Variants in FAT3 observed in about 807,000 individuals in gnomAD.
FAT3 encodes FAT atypical cadherin 3.
FAT3 carries 95 observed loss-of-function variants against 310.2 expected under a neutral mutation model. That is an observed-to-expected ratio of 0.31 (90% CI 0.26 to 0.36). The LOEUF is 0.36. Among genes scored for constraint, FAT3 ranks in the 10% least tolerant of loss-of-function variants. The probability of loss-of-function intolerance (pLI) is 1.00; values close to 1 mark genes in which losing one functional copy is unlikely to be tolerated. For missense variants in FAT3, 5,408 were observed against 5,715.6 expected, an observed-to-expected ratio of 0.95 and a Z score of 1.74; for synonymous variants, 2,314 against 2,192.9, an observed-to-expected ratio of 1.06 and a Z score of -1.54.
chr11:92,564,001 ACAT>A (rs1287453046), intron 3 of FAT3, among the ~76,000 whole-genome samples: 1 of 152,086 alleles, frequency 6.6e-6, no homozygotes, highest in South Asian at 2.1e-4. Context: ...TAACCAGCTA[ACAT>A]CATAATGACA....
Position 92,805,298 on chromosome 11 carries a change from G to A in FAT3, c.9042G>A (p.Met3014Ile), listed in dbSNP as rs766039271. Residue 3014 changes from methionine to isoleucine, a missense_variant, in exon 11 of 28, where the codon ATG becomes ATA. Transcript: ENST00000525166. ...ATDGLFVTQA[M>I]VEVSVSDVND... is the part of the protein sequence containing the mutation. ...ATGGGCTTTTTGTCACACAGGCCAT[G>A]GTGGAAGTGAGCGTCAGTGATGTGA... The A allele has an allele frequency of 6.2e-7, 1 of 1,613,820 alleles. No homozygotes were observed. The highest frequency in any genetic ancestry group is 1.3e-5 in the African/African-American group (1 of 75,020).
intron 9 of FAT3, 53 bp downstream of exon 9, chr11:92,793,030 T>C (rs1947076824): frequency 6.5e-7 from 1 of 1,543,692 alleles, no homozygotes; most frequent in Non-Finnish European, 8.9e-7. Context: ...CATTCGACCC[T>C]CAGTAGTATT....
intron 4 of FAT3, among the ~76,000 whole-genome samples, chr11:92,732,032 G>A (rs915886117): frequency 6.6e-6 from 1 of 152,058 alleles, no homozygotes; most frequent in African/African-American, 2.4e-5. Flanking sequence ...GATTTACTCT[G>A]TATTCTAACT....
chr11:92,499,106 C>A (rs1952851619), intron 2 of FAT3, among the ~76,000 whole-genome samples: 1 of 152,052 alleles, frequency 6.6e-6, no homozygotes. Flanking sequence ...CTACTCTGCA[C>A]CCTACCTTGT....
chr11:92,726,179 A>G (rs1944992143), intron 4 of FAT3, among the ~76,000 whole-genome samples: 1 of 152,182 alleles, frequency 6.6e-6, no homozygotes, highest in Non-Finnish European at 1.5e-5. Flanking sequence ...CAACTATAAG[A>G]TGGAATTGTT....
Position 92,801,807 on chromosome 11 carries a change from A to G in FAT3, c.8794A>G (p.Asn2932Asp). Residue 2932 changes from asparagine (N) to aspartate (D), a missense_variant, in exon 10 of 28, where the codon AAT becomes GAT. Asn to Asp is a conservative substitution (Grantham distance 23). Transcript: ENST00000525166. Reference protein sequence around the residue: ...PVFAQEVYRGNVKESDPPGEV... With the variant: ...PVFAQEVYRGDVKESDPPGEV... ...CTTCGCGCAGGAAGTGTACCGAGGG[A>G]ATGTGAAGGAGAGCGACCCACCGGG... 2.5e-6 allele frequency: 4 copies of G among 1,613,762 alleles called. No homozygotes were observed. Among genetic ancestry groups the G allele is most frequent in the Non-Finnish European group, 3.4e-6 (4 of 1,179,796 alleles).
intron 2 of FAT3, among the ~76,000 whole-genome samples, chr11:92,382,793 G>A (rs948631542): frequency 6.6e-6 from 1 of 152,202 alleles, no homozygotes; most frequent in African/African-American, 2.4e-5. Flanking sequence ...CAGCAGGTAT[G>A]GGTAGGCCAG....
intron 4 of FAT3, among the ~76,000 whole-genome samples, chr11:92,742,718 G>A (rs1233476055): frequency 6.6e-6 from 1 of 152,172 alleles, no homozygotes; most frequent in African/African-American, 2.4e-5. Flanking sequence ...GCCACATGAT[G>A]GCACCTTGAT....
At position 92,352,334 on chromosome 11, in the gene FAT3, T is replaced by G. The variant is rs753836681; in HGVS notation, c.222T>G (p.Asp74Glu). 1 of 1,572,804 alleles carries G rather than the reference T, an allele frequency of 6.4e-7. No homozygotes were observed. The highest frequency in any genetic ancestry group is 8.7e-7 in the Non-Finnish European group (1 of 1,154,444). Residue 74 changes from aspartate to glutamate, a missense_variant, in exon 2 of 28, where the codon GAT becomes GAG. Coordinates refer to ENST00000525166, the MANE Select transcript of FAT3 (RefSeq NM_001367949.2). ...SQSRMGITLI[D>E]LSWDIKYRIV... The stretch of plus-strand genomic sequence containing the variant: ...GTAGAATGGGCATCACCTTAATAGA[T>G]CTATCCTGGGATATCAAATACAGAA...
At chr11:92,655,884 A>G (rs1942564332) in intron 3 of FAT3, among the ~76,000 whole-genome samples, 1 of 152,192 alleles carries the variant, frequency 6.6e-6, no homozygotes, top group Non-Finnish European at 1.5e-5. Context: ...GTAACCTTGC[A>G]TTGTCCAGAA....
intron 3 of FAT3, among the ~76,000 whole-genome samples, chr11:92,606,134 C>T (rs1940284668): frequency 6.6e-6 from 1 of 152,132 alleles, no homozygotes; most frequent in Non-Finnish European, 1.5e-5. Flanking sequence ...TTATATTATA[C>T]TATTTCTGTT....
intron 21 of FAT3, 101 bp downstream of exon 21, chr11:92,859,423 G>A (rs907535208): frequency 3.3e-6 from 4 of 1,225,550 alleles, no homozygotes; most frequent in Non-Finnish European, 3.3e-6. Context: ...TTTAAGTTCA[G>A]AAGACCAGAA....
chr11:92,636,592 A>T (rs1204772789), intron 3 of FAT3, among the ~76,000 whole-genome samples: 1 of 152,250 alleles, frequency 6.6e-6, no homozygotes, highest in Non-Finnish European at 1.5e-5. Flanking sequence ...AAGATCCAAC[A>T]ATAAAGAAGA....
Position 92,353,878 on chromosome 11 carries a change from A to G in FAT3, c.1766A>G (p.Tyr589Cys). The change falls in exon 2 of 28, where the codon TAT becomes TGT. Residue 589 changes from tyrosine (Y) to cysteine (C), a missense_variant. Coordinates refer to ENST00000525166, the MANE Select transcript of FAT3 (RefSeq NM_001367949.2). ...GTGGCTTGCCAGGGAGTTATTTCAT[A>G]TGACTTTCCAGTTGGTGGTCACATC... ...EKVACQGVIS[Y>C]DFPVGGHITA... 1.9e-6 allele frequency: 3 copies of G among 1,613,490 alleles called. No homozygotes were observed. The highest frequency in any genetic ancestry group is 1.3e-5 in the African/African-American group (1 of 75,048).
intron 3 of FAT3, among the ~76,000 whole-genome samples, chr11:92,545,507 G>A (rs902881582): frequency 6.6e-6 from 1 of 152,196 alleles, no homozygotes; most frequent in African/African-American, 2.4e-5. Flanking sequence ...CTAAATTAGT[G>A]ATAGAATAAA....
intron 4 of FAT3, among the ~76,000 whole-genome samples, chr11:92,738,250 A>G (rs1023078581): frequency 7.9e-5 from 12 of 152,206 alleles, no homozygotes; most frequent in Admixed American, 7.9e-4. Context: ...ACTCAATAAT[A>G]TAGATTTTTA....
At chr11:92,306,661 A>T (rs1591082240) in intron 1 of FAT3, among the ~76,000 whole-genome samples, 1 of 122,052 alleles carries the variant, frequency 8.2e-6, no homozygotes, top group Admixed American at 1.1e-4. Flanking sequence ...TATTATATAT[A>T]TATAAAGTGG....
chr11:92,762,949 G>C (rs1946196251), intron 5 of FAT3, among the ~76,000 whole-genome samples: 1 of 152,178 alleles, frequency 6.6e-6, no homozygotes, highest in African/African-American at 2.4e-5. Flanking sequence ...CTTGAGGTCA[G>C]GAGTTTGAGA....
chr11:92,832,044 G>T, intron 14 of FAT3, 33 bp downstream of exon 14: 1 of 1,500,906 alleles, frequency 6.7e-7, no homozygotes, highest in Non-Finnish European at 8.9e-7. Context: ...AGAATACAGA[G>T]CTTCAGCTTG....
Sources: allele counts gnomAD v4.1 joint callset (sites outside exome capture counted in the v4.1 genomes callset), GRCh38; gene constraint gnomAD v4.1.1; transcripts MANE v1.5; gene names NCBI Gene and HGNC (gene_info 2026-07-23, HGNC 2026-07-21).